TBX19: variants seen among roughly 807,000 people sequenced by gnomAD.
TBX19 encodes T-box transcription factor TBX19.
Under a neutral mutation model 40.9 loss-of-function variants are expected in TBX19, and 33 were observed. That is an observed-to-expected ratio of 0.81 (90% CI 0.61 to 1.08). The LOEUF (loss-of-function observed/expected upper bound fraction) is 1.08, where lower values mean the gene tolerates loss of function less well. TBX19 is among the 50% of genes least tolerant of loss of function. The pLI, the probability that TBX19 is intolerant of heterozygous loss-of-function variation, is 0.00. For missense variants in TBX19, 494 were observed against 574.0 expected (o/e 0.86, Z 1.42); for synonymous variants, 220 against 225.0 (o/e 0.98, Z 0.20).
At chr1:168,286,006 T>C (rs570857614) in intron 1 of TBX19, among the ~76,000 whole-genome samples, 20 of 152,338 alleles carry the variant, frequency 1.3e-4, no homozygotes, top group Non-Finnish European at 2.4e-4. Flanking sequence ...TTTTATTTAT[T>C]CCTCATTGCC....
chr1:168,298,003 T>C (rs1462414722), intron 4 of TBX19, among the ~76,000 whole-genome samples: 1 of 152,132 alleles, frequency 6.6e-6, no homozygotes, highest in Non-Finnish European at 1.5e-5. Flanking sequence ...GAGACCATCC[T>C]GGCTAACATG....
chr1:168,310,191 A>G (rs1277317964), intron 7 of TBX19, among the ~76,000 whole-genome samples: 3 of 151,974 alleles, frequency 2.0e-5, no homozygotes, highest in East Asian at 3.9e-4. Flanking sequence ...AATCCCAGCT[A>G]CTTGGGAAGC....
intron 5 of TBX19, among the ~76,000 whole-genome samples, chr1:168,302,826 A>G (rs1258183518): frequency 6.6e-6 from 1 of 152,046 alleles, no homozygotes; most frequent in African/African-American, 2.4e-5. Context: ...TGAGAACTGA[A>G]GGCACCTTCA....
chr1:168,281,062 C>A lies in TBX19; in HGVS notation c.-29C>A. On this transcript the variant is annotated 5_prime_UTR_variant, in exon 1 of 8. Coordinates refer to ENST00000367821, the MANE Select transcript of TBX19 (RefSeq NM_005149.3). Reference sequence around the variant, plus strand: ...AGCTAGAAGCAGGCAAGTTGGGTAACGGCTCTCGGCAAAGTTCGAGAAGTG... The same window carrying A: ...AGCTAGAAGCAGGCAAGTTGGGTAAAGGCTCTCGGCAAAGTTCGAGAAGTG... 6.2e-7 allele frequency: 1 copy of A among 1,611,386 alleles called. No individual in the cohort carries two copies.
rs138998928 is a variant in TBX19, at chr1:168,295,586, A to T, written c.604-2138A>T. 8.1e-4 allele frequency among the ~76,000 whole-genome samples: 124 copies of T among 152,332 alleles called. 1 individual carries two copies. The East Asian group carries it at 9.3e-3, about 11-fold the overall frequency. The stretch of plus-strand genomic sequence containing the variant: ...TTGGCAGAGCCCCTGCAGCCAGTCA[A>T]TGGAAACAGAAATGAACTAGCTAAT... On this transcript the variant is annotated intron_variant, in intron 3 of 7. Coordinates refer to ENST00000367821, the MANE Select transcript of TBX19 (RefSeq NM_005149.3).
At chr1:168,298,113 G>A (rs1649162260) in intron 4 of TBX19, among the ~76,000 whole-genome samples, 1 of 152,130 alleles carries the variant, frequency 6.6e-6, no homozygotes. Context: ...GGAGAATGGC[G>A]TGAACCCGGG....
chr1:168,285,189 T>G (rs1168988429), intron 1 of TBX19, among the ~76,000 whole-genome samples: 1 of 152,094 alleles, frequency 6.6e-6, no homozygotes, highest in Non-Finnish European at 1.5e-5. Flanking sequence ...TATTTATCTT[T>G]AATTGACACC....
chr1:168,304,945 A>T, intron 5 of TBX19, 63 bp from the exon 6 acceptor site: 2 of 1,520,890 alleles, frequency 1.3e-6, no homozygotes, highest in Non-Finnish European at 1.8e-6. Flanking sequence ...GTAGCTGGTC[A>T]CCTGATTTTT....
At chr1:168,298,457 T>A (rs1649171736) in intron 4 of TBX19, among the ~76,000 whole-genome samples, 1 of 152,178 alleles carries the variant, frequency 6.6e-6, no homozygotes, top group Non-Finnish European at 1.5e-5. Flanking sequence ...ATTGCTTTTT[T>A]AAAACTACAT....
chr1:168,295,429 C>T (rs1649080721), intron 3 of TBX19, among the ~76,000 whole-genome samples: 1 of 152,192 alleles, frequency 6.6e-6, no homozygotes, highest in African/African-American at 2.4e-5. Flanking sequence ...TTAAAAGTCT[C>T]CCCAGAGGAT....
chr1:168,292,474 A>G (rs1332527352), intron 2 of TBX19, among the ~76,000 whole-genome samples: 1 of 152,216 alleles, frequency 6.6e-6, no homozygotes, highest in Non-Finnish European at 1.5e-5. Flanking sequence ...AAAGGCAAAC[A>G]ATATATTTTG....
chr1:168,311,061 G>A (rs1344739883), intron 7 of TBX19, among the ~76,000 whole-genome samples: 3 of 151,640 alleles, frequency 2.0e-5, no homozygotes, highest in Non-Finnish European at 4.4e-5. Context: ...GCATTTTGAC[G>A]CTGATCTAGA....
chr1:168,293,284 AGTGTGTGTGTGTGTGTGTGTGT>A lies in TBX19; in HGVS notation c.603+27_603+48del, dbSNP rs57039241. 6 of 1,321,864 alleles carry A rather than the reference AGTGTGTGTGTGTGTGTGTGTGT, an allele frequency of 4.5e-6. No individual in the cohort carries two copies. In the East Asian group the frequency reaches 8.8e-5, roughly 19 times the overall value. 81.9% of individuals were successfully genotyped at this position (1,321,864 alleles called of 1,614,324 possible). A position where few individuals can be genotyped will look rare whatever the true frequency, so the allele number is the denominator to read the frequency against. ...CTGCCTATCAGAATGAGGAGGTAAGAGTGTGTGTGTGTGTGTGTGTGTGTGTGTGTGTGTGTGTGTGTAACTG... is the reference window on the plus strand; with the variant it reads ...CTGCCTATCAGAATGAGGAGGTAAGAGTGTGTGTGTGTGTGTGTGTAACTG... On this transcript the variant is annotated splice_region_variant and intron_variant, in intron 3 of 7. Coordinates refer to ENST00000367821, the MANE Select transcript of TBX19 (RefSeq NM_005149.3).
chr1:168,302,148 A>T (rs760817156), intron 5 of TBX19, among the ~76,000 whole-genome samples: 1 of 152,152 alleles, frequency 6.6e-6, no homozygotes, highest in Non-Finnish European at 1.5e-5. Flanking sequence ...TGTGTACATT[A>T]TATGTGGCAA....
intron 4 of TBX19, among the ~76,000 whole-genome samples, chr1:168,299,164 C>T (rs1649215153): frequency 6.6e-6 from 1 of 151,900 alleles, no homozygotes; most frequent in Non-Finnish European, 1.5e-5. Flanking sequence ...AGGTCATCCA[C>T]TCGCCTCGGC....
chr1:168,302,363 G>T (rs1325702223), intron 5 of TBX19, among the ~76,000 whole-genome samples: 1 of 152,190 alleles, frequency 6.6e-6, no homozygotes, highest in South Asian at 2.1e-4. Flanking sequence ...AGCGAAGGCG[G>T]TGGGTTCTAA....
intron 4 of TBX19, among the ~76,000 whole-genome samples, chr1:168,300,116 A>G (rs564763228): frequency 6.6e-6 from 1 of 152,244 alleles, no homozygotes; most frequent in African/African-American, 2.4e-5. Context: ...TTGTGCTGTT[A>G]TTATTGCTTG....
intron 1 of TBX19, among the ~76,000 whole-genome samples, chr1:168,290,083 A>G (rs781719011): frequency 2.0e-5 from 3 of 151,728 alleles, no homozygotes; most frequent in Non-Finnish European, 4.4e-5. Flanking sequence ...AATCCCAGCT[A>G]CTCTCCTGGA....
intron 7 of TBX19, 100 bp from the exon 8 acceptor site, chr1:168,312,607 TA>T: frequency 7.2e-7 from 1 of 1,391,226 alleles, no homozygotes; most frequent in Non-Finnish European, 1.0e-6. Flanking sequence ...AGCCCTCCTG[TA>T]ACCATGCCCT....
Sources: gnomAD v4.1 joint callset for allele counts (sites outside exome capture counted in the v4.1 genomes callset) on GRCh38, gnomAD v4.1.1 for gene constraint, MANE v1.5 for transcripts, NCBI Gene and HGNC (gene_info 2026-07-23, HGNC 2026-07-21) for gene names.